Variants in SFSWAP observed in about 807,000 individuals in gnomAD.
The protein encoded by SFSWAP is splicing factor SWAP, also known as splicing factor, suppressor of white-apricot homolog.
SFSWAP carries 17 observed loss-of-function variants against 100.7 expected under a neutral mutation model. That is an observed-to-expected ratio of 0.17 (90% CI 0.12 to 0.25). SFSWAP has a LOEUF of 0.25. SFSWAP is among the 10% of genes least tolerant of loss of function. SFSWAP has a pLI of 1.00. For missense variants in SFSWAP, 1,005 were observed against 1,262.6 expected, an observed-to-expected ratio of 0.80 and a Z score of 3.09; for synonymous variants, 504 against 510.1, an observed-to-expected ratio of 0.99 and a Z score of 0.16.
chr12:131,799,309 C>A, intron 17 of SFSWAP, 114 bp from the exon 18 acceptor site: 1 of 1,198,736 alleles, frequency 8.3e-7, no homozygotes, highest in Non-Finnish European at 1.2e-6. Context: ...TCCGCCGCCC[C>A]CACGGTGCTA....
rs369415692 is a variant in SFSWAP at position 131,711,283 on chromosome 12, G to A, written c.54G>A (p.Lys18=). The A allele has an allele frequency of 6.4e-5, 103 of 1,612,578 alleles. No individual in the cohort carries two copies. The highest frequency in any genetic ancestry group is 8.1e-5 in the Non-Finnish European group (96 of 1,179,634). Residue 18 remains lysine (K), a synonymous_variant, in exon 1 of 18, where the codon AAG becomes AAA. Transcript: ENST00000261674. The surrounding 1 kb of genome is among the most constrained non-coding windows in gnomAD (Gnocchi z 4.9). ...AACCCGAGAGGAAAAGCGGCGCGAA[G>A]GAGGAGGCCGGGCCAGGCGGTGCCG... ...RAKPERKSGA[K]EEAGPGGAGG... is the part of the protein sequence containing the mutation.
At position 131,727,046 on chromosome 12, in the gene SFSWAP, G is replaced by A; in HGVS notation, c.939G>A (p.Leu313=). Reference sequence around the variant, plus strand: ...AGAAGTGTAACCGCCTTGAAGAGCTGATGAAGGTTTTTATCTCATTGTTGA... The same window carrying A: ...AGAAGTGTAACCGCCTTGAAGAGCTAATGAAGGTTTTTATCTCATTGTTGA... The part of the protein sequence containing the change: ...ASKKCNRLEE[L]MKPLKVVDPD... The change falls in exon 6 of 18, where the codon CTG becomes CTA. Residue 313 remains leucine (L), a synonymous_variant. Coordinates refer to ENST00000261674, the MANE Select transcript of SFSWAP (RefSeq NM_004592.4). 6.4e-7 allele frequency: 1 copy of A among 1,570,644 alleles called. No individual in the cohort carries two copies. Among genetic ancestry groups the A allele is most frequent in the East Asian group, 2.2e-5 (1 of 44,544 alleles).
intron 15 of SFSWAP, among the ~76,000 whole-genome samples, chr12:131,793,989 A>C (rs1700796306): frequency 6.6e-6 from 1 of 152,172 alleles, no homozygotes; most frequent in Admixed American, 6.5e-5. Flanking sequence ...TGTGACGTTA[A>C]GTACACACCT....
intron 7 of SFSWAP, among the ~76,000 whole-genome samples, chr12:131,739,599 G>A (rs1304532472): frequency 8.0e-6 from 1 of 125,034 alleles, no homozygotes; most frequent in Non-Finnish European, 1.6e-5. Context: ...AGGCTGGAGT[G>A]CAGTGGCGCA....
intron 13 of SFSWAP, among the ~76,000 whole-genome samples, chr12:131,770,173 C>G (rs961204349): frequency 1.3e-5 from 2 of 152,192 alleles, no homozygotes; most frequent in African/African-American, 2.4e-5. Flanking sequence ...CTTGACTTTA[C>G]TAAGTATTCT....
chr12:131,771,438 C>T (rs1883590847), intron 13 of SFSWAP, among the ~76,000 whole-genome samples: 1 of 152,070 alleles, frequency 6.6e-6, no homozygotes, highest in Admixed American at 6.5e-5. Context: ...CGGGGGAAAT[C>T]CTCACCATGG....
intron 16 of SFSWAP, among the ~76,000 whole-genome samples, chr12:131,798,498 A>C (rs1436593767): frequency 6.6e-6 from 1 of 152,104 alleles, no homozygotes; most frequent in Admixed American, 6.6e-5. Context: ...TTTGTGTTTA[A>C]GGTAATTTTA....
chr12:131,752,466 T>C (rs946767565), intron 7 of SFSWAP, among the ~76,000 whole-genome samples: 4 of 152,160 alleles, frequency 2.6e-5, no homozygotes, highest in Non-Finnish European at 5.9e-5. Flanking sequence ...GTGCACAGCA[T>C]AGGTGGCAAG....
rs1186440181 is a variant in SFSWAP at position 131,789,786 on chromosome 12, G to A, written c.2534+3198G>A. Reference sequence around the variant, plus strand: ...TGCTGTGTCCCCGTGGCTGGGTTCAGGGCAAATGTTTTGGCTGCGTAGGCG... The same window carrying A: ...TGCTGTGTCCCCGTGGCTGGGTTCAAGGCAAATGTTTTGGCTGCGTAGGCG... On this transcript the variant is annotated intron_variant, in intron 15 of 17. Coordinates refer to ENST00000261674, the MANE Select transcript of SFSWAP (RefSeq NM_004592.4). Among the ~76,000 whole-genome samples the A allele has an allele frequency of 3.3e-5, 5 of 152,182 alleles. No homozygotes were observed. The East Asian group carries it at 9.6e-4, about 29-fold the overall frequency.
At chr12:131,749,883 G>T (rs1015157421) in intron 7 of SFSWAP, among the ~76,000 whole-genome samples, 2 of 152,194 alleles carry the variant, frequency 1.3e-5, no homozygotes, top group East Asian at 3.9e-4. Context: ...GTCCCCACGC[G>T]AGCCCAGAGC....
At chr12:131,723,177 G>C (rs1878644168) in intron 4 of SFSWAP, 1 of 152,176 alleles carries the variant, frequency 6.6e-6, no homozygotes, top group Non-Finnish European at 1.5e-5. Context: ...TATTGTCACA[G>C]AAGGTGGGTG....
chr12:131,748,052 C>CG (rs1014253056), intron 7 of SFSWAP, among the ~76,000 whole-genome samples: 3 of 152,140 alleles, frequency 2.0e-5, no homozygotes, highest in East Asian at 3.9e-4. Context: ...CCTGGAGAGC[C>CG]GGGAGACAGG....
intron 13 of SFSWAP, among the ~76,000 whole-genome samples, chr12:131,770,325 C>T (rs370117652): frequency 1.3e-5 from 2 of 152,190 alleles, no homozygotes; most frequent in African/African-American, 4.8e-5. Flanking sequence ...GCTGAGGGCA[C>T]GTCGGCACCA....
At chr12:131,746,018 G>A (rs561727975) in intron 7 of SFSWAP, among the ~76,000 whole-genome samples, 3 of 152,240 alleles carry the variant, frequency 2.0e-5, no homozygotes, top group African/African-American at 7.2e-5. Context: ...ACAAACATCG[G>A]TTATGGTCTG....
At chr12:131,747,992 G>T (rs938698568) in intron 7 of SFSWAP, among the ~76,000 whole-genome samples, 1 of 152,182 alleles carries the variant, frequency 6.6e-6, no homozygotes, top group Non-Finnish European at 1.5e-5. Context: ...CGCTGCCGAG[G>T]AAGAGCCTGG....
rs1879712262 is a variant in SFSWAP at position 131,733,558 on chromosome 12, G to A, written c.1081+5130G>A. Among the ~76,000 whole-genome samples the A allele has an allele frequency of 6.6e-6, 1 of 152,026 alleles. No individual in the cohort carries two copies. The highest frequency in any genetic ancestry group is 2.1e-4 in the South Asian group (1 of 4,802). On this transcript the variant is annotated intron_variant, in intron 7 of 17. Transcript: ENST00000261674. This position sits in a 1 kb window ranked among gnomAD's most constrained non-coding sequence, Gnocchi z 5.1. ...GCAGTGGAGCCAAGGCTGGAGGTGG[G>A]CGCAGCTCCATGTTCTCGGGGGATT...
At position 131,734,135 on chromosome 12, in the gene SFSWAP, G is replaced by T. The variant is rs557916302; in HGVS notation, c.1081+5707G>T. On this transcript the variant is annotated intron_variant, in intron 7 of 17. Transcript: ENST00000261674. This position sits in a 1 kb window ranked among gnomAD's most constrained non-coding sequence, Gnocchi z 4.9. ...CTGGGGAAGCATCAGAGCCTCTGCTGTGGTGGACGCCAGGTGGCCCCTGGC... is the reference window on the plus strand; with the variant it reads ...CTGGGGAAGCATCAGAGCCTCTGCTTTGGTGGACGCCAGGTGGCCCCTGGC... Among the ~76,000 whole-genome samples the T allele has an allele frequency of 6.6e-6, 1 of 152,360 alleles. No homozygotes were observed. Among genetic ancestry groups the T allele is most frequent in the Admixed American group, 6.5e-5 (1 of 15,312 alleles).
At chr12:131,762,745 C>T (rs1251874719) in intron 11 of SFSWAP, among the ~76,000 whole-genome samples, 2 of 152,090 alleles carry the variant, frequency 1.3e-5, no homozygotes, top group African/African-American at 2.4e-5. Context: ...CGATTACAGG[C>T]GCCCGCCACC....
chr12:131,735,149 T>C (rs1879885200), intron 7 of SFSWAP, among the ~76,000 whole-genome samples: 1 of 152,104 alleles, frequency 6.6e-6, no homozygotes. Flanking sequence ...CAAGGGAAAC[T>C]TGGAAATGAC....
Sources: gnomAD v4.1 joint callset for allele counts (sites outside exome capture counted in the v4.1 genomes callset) on GRCh38, gnomAD v4.1.1 for gene constraint, Gnocchi (gnomAD v3.1) non-coding constraint, MANE v1.5 for transcripts, NCBI Gene and HGNC (gene_info 2026-07-23, HGNC 2026-07-21) for gene names.